Variants in NRG3 observed in about 807,000 individuals in gnomAD.
The protein encoded by NRG3 is pro-neuregulin-3, membrane-bound isoform.
Under a neutral mutation model 66.9 loss-of-function variants are expected in NRG3, and 31 were observed. The observed-to-expected ratio is 0.46, with a 90% CI of 0.35 to 0.63. The LOEUF (loss-of-function observed/expected upper bound fraction) is 0.63. NRG3 is among the 20% of genes least tolerant of loss of function. The pLI, the probability that NRG3 is intolerant of heterozygous loss-of-function variation, is 0.00. For synonymous variants in NRG3, 393 were observed against 359.4 expected (o/e 1.09, Z -1.06); for missense variants, 910 against 878.9 (o/e 1.04, Z -0.45).
intron 1 of NRG3, among the ~76,000 whole-genome samples, chr10:82,353,944 G>T (rs1038775774): frequency 1.3e-5 from 2 of 150,490 alleles, no homozygotes; most frequent in African/African-American, 4.9e-5. Context: ...TTGTTTTGGA[G>T]CCCTTCTTAT....
At chr10:82,244,822 C>T (rs1183190579) in intron 1 of NRG3, among the ~76,000 whole-genome samples, 1 of 152,086 alleles carries the variant, frequency 6.6e-6, no homozygotes. Context: ...CAACTGCCGC[C>T]TCCTGGGTTC....
intron 1 of NRG3, among the ~76,000 whole-genome samples, chr10:82,164,331 T>G (rs1250358795): frequency 1.3e-5 from 2 of 152,332 alleles, no homozygotes; most frequent in East Asian, 3.9e-4. Flanking sequence ...ATTCATCACC[T>G]GGAGTATTTA....
At chr10:81,945,271 C>T (rs941869770) in intron 1 of NRG3, among the ~76,000 whole-genome samples, 7 of 151,498 alleles carry the variant, frequency 4.6e-5, no homozygotes, top group Admixed American at 4.0e-4. Context: ...CCTCACTCCC[C>T]TTCCTCCTCC....
At chr10:82,890,453 T>G (rs1202989418) in intron 4 of NRG3, among the ~76,000 whole-genome samples, 1 of 152,160 alleles carries the variant, frequency 6.6e-6, no homozygotes, top group Non-Finnish European at 1.5e-5. Context: ...CGAACAAAAC[T>G]GACTTAGACT....
intron 2 of NRG3, among the ~76,000 whole-genome samples, chr10:82,463,082 G>A (rs1007603743): frequency 6.6e-6 from 1 of 152,156 alleles, no homozygotes; most frequent in African/African-American, 2.4e-5. Flanking sequence ...AGGATTGGAT[G>A]TATCCAGAAA....
At chr10:82,239,341 A>G (rs895933710) in intron 1 of NRG3, among the ~76,000 whole-genome samples, 1 of 152,130 alleles carries the variant, frequency 6.6e-6, no homozygotes, top group African/African-American at 2.4e-5. Context: ...TTTTTAGTAG[A>G]GATGGGGTTC....
At chr10:82,637,718 A>G (rs945513446) in intron 2 of NRG3, among the ~76,000 whole-genome samples, 1 of 152,216 alleles carries the variant, frequency 6.6e-6, no homozygotes, top group Non-Finnish European at 1.5e-5. Context: ...GAAAATAAAT[A>G]CAATATGACA....
intron 1 of NRG3, among the ~76,000 whole-genome samples, chr10:81,911,604 T>G (rs11191767): frequency 0.098 from 8,960 of 91,488 alleles, 564 homozygotes; most frequent in African/African-American, 0.32. Context: ...CACAGACTTG[T>G]TTTTTTTTTT....
chr10:82,182,671 A>G (rs1034779592), intron 1 of NRG3, among the ~76,000 whole-genome samples: 8 of 152,066 alleles, frequency 5.3e-5, no homozygotes, highest in South Asian at 2.1e-4. Flanking sequence ...TTTATGCACC[A>G]TGCTTACAGT....
At chr10:82,779,777 A>T (rs986630385) in intron 3 of NRG3, among the ~76,000 whole-genome samples, 8 of 151,200 alleles carry the variant, frequency 5.3e-5, no homozygotes, top group Non-Finnish European at 1.0e-4. Flanking sequence ...CAGAAGGTGG[A>T]GGTTTGTTAC....
chr10:82,336,398 C>A (rs2082387885), intron 1 of NRG3, among the ~76,000 whole-genome samples: 1 of 152,102 alleles, frequency 6.6e-6, no homozygotes, highest in Admixed American at 6.5e-5. Context: ...ATCAGAGAGG[C>A]AAAGTTAGAT....
At chr10:82,577,101 T>C (rs1370081652) in intron 2 of NRG3, among the ~76,000 whole-genome samples, 1 of 151,896 alleles carries the variant, frequency 6.6e-6, no homozygotes, top group Non-Finnish European at 1.5e-5. Flanking sequence ...GCTGCATTCT[T>C]AGAAATTTCT....
chr10:82,610,370 C>T (rs1156779396), intron 2 of NRG3, among the ~76,000 whole-genome samples: 1 of 152,126 alleles, frequency 6.6e-6, no homozygotes, highest in African/African-American at 2.4e-5. Context: ...TCAGGGGAAC[C>T]ATTCTGCCTG....
intron 3 of NRG3, among the ~76,000 whole-genome samples, chr10:82,756,950 G>A (rs754729209): frequency 2.6e-5 from 4 of 151,910 alleles, no homozygotes; most frequent in Non-Finnish European, 5.9e-5. Flanking sequence ...TTATCTAGGT[G>A]AAGTTTTCTG....
intron 2 of NRG3, among the ~76,000 whole-genome samples, chr10:82,573,275 T>C (rs757719824): frequency 6.6e-6 from 1 of 151,786 alleles, no homozygotes; most frequent in Non-Finnish European, 1.5e-5. Context: ...AAATCTGGTA[T>C]TCTTTCAGTC....
intron 1 of NRG3, among the ~76,000 whole-genome samples, chr10:82,085,303 G>T (rs1283940801): frequency 3.3e-5 from 5 of 152,190 alleles, no homozygotes; most frequent in Non-Finnish European, 7.3e-5. Flanking sequence ...TATGTCAGTT[G>T]ACCTGAATGC....
At chr10:82,882,506 A>G (rs1245617307) in intron 4 of NRG3, among the ~76,000 whole-genome samples, 1 of 152,190 alleles carries the variant, frequency 6.6e-6, no homozygotes, top group African/African-American at 2.4e-5. Flanking sequence ...ATTTCTGCTC[A>G]AAAAGGATGG....
intron 4 of NRG3, among the ~76,000 whole-genome samples, chr10:82,932,908 T>G (rs1847713053): frequency 6.6e-6 from 1 of 152,134 alleles, no homozygotes; most frequent in Non-Finnish European, 1.5e-5. Flanking sequence ...TGATATCCAG[T>G]CTTATCTTCT....
chr10:82,427,768 A>G (rs1262713795), intron 2 of NRG3, among the ~76,000 whole-genome samples: 3 of 152,048 alleles, frequency 2.0e-5, no homozygotes, highest in Non-Finnish European at 4.4e-5. Context: ...TTTTTGGAAG[A>G]TTTACAAAGG....
Sources: allele counts gnomAD v4.1 joint callset (sites outside exome capture counted in the v4.1 genomes callset), GRCh38; gene constraint gnomAD v4.1.1; transcripts MANE v1.5; gene names NCBI Gene and HGNC (gene_info 2026-07-23, HGNC 2026-07-21).